Variants in JHY observed in about 807,000 individuals in gnomAD.
JHY encodes the protein junctional cadherin complex regulator.
In JHY, 69 loss-of-function variants were observed where a neutral mutation model predicts 78.0. That is an observed-to-expected ratio of 0.88 (90% CI 0.73 to 1.08). The LOEUF (loss-of-function observed/expected upper bound fraction) is 1.08, where lower values mean the gene tolerates loss of function less well. Ranked by LOEUF, JHY falls within the 50% of genes least tolerant of loss-of-function variation. The pLI is 0.00. For missense variants in JHY, 944 were observed against 927.8 expected (o/e 1.02, Z -0.23); for synonymous variants, 368 against 342.6 (o/e 1.07, Z -0.82).
At chr11:122,918,129 G>A (rs1364202150) in intron 3 of JHY, among the ~76,000 whole-genome samples, 1 of 151,442 alleles carries the variant, frequency 6.6e-6, no homozygotes. Context: ...TCGAACTCCT[G>A]GTTTCAAGTG....
At chr11:122,905,272 C>T (rs1043433844) in intron 3 of JHY, 2 of 1,613,438 alleles carry the variant, frequency 1.2e-6, no homozygotes, top group Non-Finnish European at 8.5e-7. Context: ...GACCTTCCTG[C>T]CCACCTCCTA....
chr11:122,957,570 TTTTA>T, intron 8 of JHY, 79 bp downstream of exon 8: 9 of 1,360,230 alleles, frequency 6.6e-6, no homozygotes, highest in Non-Finnish European at 8.8e-6. Context: ...TTTTTTTTTT[TTTTA>T]ATTAGCCACA....
chr11:122,959,139 T>C lies in JHY; in HGVS notation c.2140-109T>C, dbSNP rs1591404372. 5.7e-6 allele frequency: 8 copies of C among 1,408,306 alleles called. No homozygotes were observed. The East Asian group carries it at 2.0e-4, about 34-fold the overall frequency. The allele number at this position is 1,408,306 out of a possible 1,614,324, so 87.2% of individuals were successfully genotyped here. A position where few individuals can be genotyped will look rare whatever the true frequency, so the allele number is the denominator to read the frequency against. ...CCATTTCCACCAATGTCTTAGTAAG[T>C]TATAGTGATAGTCTCCATTTATATT... On this transcript the variant is annotated intron_variant, in intron 8 of 8. Coordinates refer to ENST00000227349, the MANE Select transcript of JHY (RefSeq NM_024806.4).
At position 122,912,239 on chromosome 11, in the gene JHY, A is replaced by G. The variant is rs185097705; in HGVS notation, c.864+7795A>G. Among the ~76,000 whole-genome samples, 11 of 150,638 alleles carry G rather than the reference A, an allele frequency of 7.3e-5. 1 individual carries two copies. The East Asian group carries it at 2.2e-3, about 30-fold the overall frequency. On this transcript the variant is annotated intron_variant, in intron 3 of 8. Coordinates refer to ENST00000227349, the MANE Select transcript of JHY (RefSeq NM_024806.4). ...GAGGCGGAGGTTGCAGTGAGCCGAG[A>G]TCTCGCCACTGCACTCCAGCCTAGG... is the stretch of plus-strand genomic sequence containing the variant.
At chr11:122,907,886 T>TA (rs1427534190) in intron 3 of JHY, among the ~76,000 whole-genome samples, 1 of 151,580 alleles carries the variant, frequency 6.6e-6, no homozygotes, top group Non-Finnish European at 1.5e-5. Context: ...CAGACCAATT[T>TA]AAATCTCTGA....
intron 4 of JHY, among the ~76,000 whole-genome samples, chr11:122,927,693 A>C (rs2135345242): frequency 6.6e-6 from 1 of 151,192 alleles, no homozygotes; most frequent in South Asian, 2.1e-4. Flanking sequence ...GTGTCTCATT[A>C]ACTGCTGCCT....
chr11:122,957,260 G>A, intron 7 of JHY, 103 bp from the exon 8 acceptor site: 1 of 1,313,654 alleles, frequency 7.6e-7, no homozygotes, highest in Non-Finnish European at 1.0e-6. Flanking sequence ...CTGTACAGCT[G>A]ATAAGATACG....
chr11:122,936,632 T>C (rs1863762529), intron 5 of JHY, among the ~76,000 whole-genome samples: 2 of 152,208 alleles, frequency 1.3e-5, no homozygotes, highest in South Asian at 4.1e-4. Flanking sequence ...AATCCTTTAG[T>C]GTGATGAAAT....
intron 6 of JHY, among the ~76,000 whole-genome samples, chr11:122,951,507 T>C (rs1217697762): frequency 6.6e-6 from 1 of 152,188 alleles, no homozygotes; most frequent in African/African-American, 2.4e-5. Flanking sequence ...TGTTCCACAG[T>C]GTTTGAGGCA....
chr11:122,884,788 T>G (rs1400672533), intron 1 of JHY, among the ~76,000 whole-genome samples: 1 of 152,038 alleles, frequency 6.6e-6, no homozygotes, highest in South Asian at 2.1e-4. Flanking sequence ...GACCACTAAA[T>G]CTTTTGTTGA....
chr11:122,884,136 T>A (rs1039920897), intron 1 of JHY, among the ~76,000 whole-genome samples: 2 of 152,184 alleles, frequency 1.3e-5, no homozygotes, highest in Non-Finnish European at 2.9e-5. Flanking sequence ...TCTGTAATAT[T>A]AGAGAATAAT....
intron 3 of JHY, among the ~76,000 whole-genome samples, chr11:122,908,021 A>G (rs535568534): frequency 6.6e-6 from 1 of 152,108 alleles, no homozygotes; most frequent in Non-Finnish European, 1.5e-5. Flanking sequence ...TTGGTTTCAC[A>G]TTGGAATCAA....
Position 122,956,574 on chromosome 11 carries a change from A to G in JHY, c.2008A>G (p.Lys670Glu). ...ACCTGACTTTGAGTCCATCAGAGAC[A>G]AAGTGAGTGAGATGCACATACAGTG... Reference protein sequence around the residue: ...LGPDFESIRDKTQKLIQQKEY... With the variant: ...LGPDFESIRDETQKLIQQKEY... Residue 670 changes from lysine (K) to glutamate (E), a missense_variant and splice_region_variant, in exon 7 of 9, where the codon AAA (lysine) becomes GAA (glutamate). Lys to Glu is a moderately conservative substitution (Grantham distance 56, BLOSUM62 1). Coordinates refer to ENST00000227349, the MANE Select transcript of JHY (RefSeq NM_024806.4). 1 of 1,613,112 alleles carries G rather than the reference A, an allele frequency of 6.2e-7. No individual in the cohort carries two copies. Among genetic ancestry groups the G allele is most frequent in the African/African-American group, 1.3e-5 (1 of 75,010 alleles).
intron 2 of JHY, among the ~76,000 whole-genome samples, chr11:122,901,443 T>C (rs1862856118): frequency 7.7e-6 from 1 of 129,276 alleles, no homozygotes; most frequent in South Asian, 2.5e-4. Context: ...CTGTAACTTT[T>C]TTATTTTATA....
At chr11:122,928,389 A>G (rs893522335) in intron 4 of JHY, among the ~76,000 whole-genome samples, 4 of 152,158 alleles carry the variant, frequency 2.6e-5, no homozygotes, top group Non-Finnish European at 4.4e-5. Flanking sequence ...TTTTTTCTTG[A>G]AAAATGACTT....
chr11:122,889,374 T>G (rs935653374), intron 2 of JHY, among the ~76,000 whole-genome samples: 16 of 152,158 alleles, frequency 1.1e-4, no homozygotes, highest in Admixed American at 2.6e-4. Flanking sequence ...ATCAAAAATA[T>G]TTGGAGAATA....
At chr11:122,918,726 C>T (rs1358274969) in intron 3 of JHY, among the ~76,000 whole-genome samples, 1 of 151,046 alleles carries the variant, frequency 6.6e-6, no homozygotes, top group Non-Finnish European at 1.5e-5. Flanking sequence ...AGTGAGCAAC[C>T]CAGATTGATA....
chr11:122,954,112 G>A (rs1864146783), intron 6 of JHY, among the ~76,000 whole-genome samples: 1 of 152,168 alleles, frequency 6.6e-6, no homozygotes, highest in Non-Finnish European at 1.5e-5. Flanking sequence ...CATACAATTA[G>A]TCCACAAGTG....
intron 6 of JHY, among the ~76,000 whole-genome samples, chr11:122,952,196 G>A (rs1175008728): frequency 6.6e-6 from 1 of 152,014 alleles, no homozygotes; most frequent in Non-Finnish European, 1.5e-5. Context: ...TCTTTTCAGG[G>A]TGATGAAAAT....
Sources: allele counts gnomAD v4.1 joint callset (sites outside exome capture counted in the v4.1 genomes callset), GRCh38; gene constraint gnomAD v4.1.1; transcripts MANE v1.5; gene names NCBI Gene and HGNC (gene_info 2026-07-23, HGNC 2026-07-21).